ABTB2: variants seen among roughly 807,000 people sequenced by gnomAD.
The protein encoded by ABTB2 is ankyrin repeat and BTB domain containing 2, also known as ankyrin repeat and BTB/POZ domain-containing protein 2.
A neutral mutation model predicts 104.1 loss-of-function variants in ABTB2; 56 were observed. The observed-to-expected ratio is 0.54, with a 90% confidence interval of 0.43 to 0.67. The LOEUF is 0.67. Ranked by LOEUF, ABTB2 falls within the 30% of genes least tolerant of loss-of-function variation. ABTB2 has a pLI of 0.00. For missense variants in ABTB2, 1,279 were observed against 1,407.7 expected, an observed-to-expected ratio of 0.91 and a Z score of 1.46; for synonymous variants, 606 against 608.2, an observed-to-expected ratio of 1.00 and a Z score of 0.05.
intron 1 of ABTB2, among the ~76,000 whole-genome samples, chr11:34,265,705 A>C (rs893342944): frequency 6.8e-6 from 1 of 147,732 alleles, no homozygotes; most frequent in Non-Finnish European, 1.5e-5. Flanking sequence ...ACGGTGGCTC[A>C]TGCCTGTAAA....
intron 1 of ABTB2, among the ~76,000 whole-genome samples, chr11:34,344,940 C>T (rs1405877315): frequency 2.0e-5 from 3 of 152,204 alleles, no homozygotes; most frequent in African/African-American, 7.2e-5. Flanking sequence ...CAGACCATAG[C>T]AACTTGGTGT....
intron 1 of ABTB2, among the ~76,000 whole-genome samples, chr11:34,278,602 G>A (rs1274916658): frequency 2.0e-5 from 3 of 152,128 alleles, no homozygotes; most frequent in Non-Finnish European, 4.4e-5. Flanking sequence ...TTGATGCACT[G>A]AGGGAATGGC....
At chr11:34,226,077 CT>C (rs2133053518) in intron 1 of ABTB2, among the ~76,000 whole-genome samples, 1 of 151,916 alleles carries the variant, frequency 6.6e-6, no homozygotes, top group South Asian at 2.1e-4. Context: ...TTGCGTGCGC[CT>C]GTAGTCCCAG....
Position 34,357,450 on chromosome 11 carries a change from GAA to G in ABTB2, c.132_133del (p.Ser45GlyfsTer112), listed in dbSNP as rs1564940989. 12 of 1,548,274 alleles carry G rather than the reference GAA, an allele frequency of 7.8e-6. No individual in the cohort carries two copies. The highest frequency in any genetic ancestry group is 1.0e-5 in the Non-Finnish European group (12 of 1,146,838). ...GGCCGCCCCGCGGTGCTGCTGCGCC[GAA>G]GAGTTGAGCGCCTGCGAGTTGGACT... On this transcript the variant is annotated frameshift_variant, in exon 1 of 17. Transcript: ENST00000435224. LOFTEE classifies it high-confidence loss of function.
chr11:34,198,404 G>A (rs1341680432), intron 2 of ABTB2, among the ~76,000 whole-genome samples: 5 of 151,708 alleles, frequency 3.3e-5, no homozygotes, highest in African/African-American at 1.2e-4. Context: ...CAGTCTGGGT[G>A]ACTGGTGACA....
chr11:34,178,108 G>A (rs530069942), intron 3 of ABTB2, among the ~76,000 whole-genome samples: 8 of 152,226 alleles, frequency 5.3e-5, no homozygotes, highest in Non-Finnish European at 8.8e-5. Flanking sequence ...AATGAAAACT[G>A]ATTAATACTT....
rs527524748 is a variant in ABTB2, at chr11:34,272,834, G to A, written c.884-68144C>T. ...TATAACAACTTGATAACTATCATGA[G>A]ACGCAGTTCAGAGCTGTGGTTAAGT... On this transcript the variant is annotated intron_variant, in intron 1 of 16. Coordinates refer to ENST00000435224, the MANE Select transcript of ABTB2 (RefSeq NM_145804.3). Among the ~76,000 whole-genome samples, 16 of 151,324 alleles carry A rather than the reference G, an allele frequency of 1.1e-4. 1 individual carries two copies. Among genetic ancestry groups the A allele is most frequent in the African/African-American group, 3.7e-4 (15 of 41,076 alleles).
In ABTB2 at chr11:34,353,968, A is replaced by G. The variant is rs191186572; in HGVS notation, c.883+2733T>C. ...GTTTGGACCACTCCATTTTGTTCCT[A>G]AGCAGTGTATGCTTCCCTCTGAAGC... On this transcript the variant is annotated intron_variant, in intron 1 of 16. Coordinates refer to ENST00000435224, the MANE Select transcript of ABTB2 (RefSeq NM_145804.3). Among the ~76,000 whole-genome samples, 4 of 152,288 alleles carry G rather than the reference A, an allele frequency of 2.6e-5. No homozygotes were observed. The East Asian group carries it at 7.7e-4, about 29-fold the overall frequency.
intron 1 of ABTB2, among the ~76,000 whole-genome samples, chr11:34,267,708 G>T (rs1177917390): frequency 6.6e-6 from 1 of 152,144 alleles, no homozygotes; most frequent in Non-Finnish European, 1.5e-5. Flanking sequence ...GGCCAACCAG[G>T]TGCTATCTGA....
At position 34,356,666 on chromosome 11, in the gene ABTB2, T is replaced by C. The variant is rs1855467722; in HGVS notation, c.883+35A>G. 1 of 1,522,578 alleles carries C rather than the reference T, an allele frequency of 6.6e-7. No homozygotes were observed. Among genetic ancestry groups the C allele is most frequent in the Non-Finnish European group, 8.9e-7 (1 of 1,126,860 alleles). The allele number at this position is 1,522,578 out of a possible 1,614,324, so 94.3% of individuals were successfully genotyped here. A position where few individuals can be genotyped will look rare whatever the true frequency, so the allele number is the denominator to read the frequency against. On this transcript the variant is annotated intron_variant, in intron 1 of 16. Transcript: ENST00000435224. This position sits in a 1 kb window ranked among gnomAD's most constrained non-coding sequence, Gnocchi z 4.6. ...GTAGCCCAGGGCGGGATTTCTTGCC[T>C]ACCCAGTCTGCCAGTCCGAGGCCCG...
At chr11:34,157,042 C>T (rs2133000635) in intron 14 of ABTB2, among the ~76,000 whole-genome samples, 1 of 152,276 alleles carries the variant, frequency 6.6e-6, no homozygotes, top group South Asian at 2.1e-4. Flanking sequence ...GATCCACACA[C>T]CCCCACCCCA....
chr11:34,163,168 A>T (rs985383571), intron 9 of ABTB2, among the ~76,000 whole-genome samples: 6 of 152,196 alleles, frequency 3.9e-5, no homozygotes, highest in African/African-American at 1.4e-4. Context: ...ACTATATCAC[A>T]CTTTCCTGGG....
At chr11:34,219,031 C>CACGCCT (rs1212471498) in intron 1 of ABTB2, among the ~76,000 whole-genome samples, 2 of 118,494 alleles carry the variant, frequency 1.7e-5, no homozygotes, top group Non-Finnish European at 3.6e-5. Flanking sequence ...ATATTCATTA[C>CACGCCT]ACGCCTACTA....
chr11:34,311,281 G>A (rs1854849995), intron 1 of ABTB2, among the ~76,000 whole-genome samples: 1 of 152,216 alleles, frequency 6.6e-6, no homozygotes, highest in Non-Finnish European at 1.5e-5. Flanking sequence ...CCATGCTGCA[G>A]ACCCAGAAAA....
chr11:34,209,117 G>A (rs769037640), intron 1 of ABTB2, among the ~76,000 whole-genome samples: 2 of 152,136 alleles, frequency 1.3e-5, no homozygotes, highest in Non-Finnish European at 2.9e-5. Flanking sequence ...AGGCAGAGAC[G>A]GGTGAATCAC....
At chr11:34,343,466 C>G (rs968705541) in intron 1 of ABTB2, among the ~76,000 whole-genome samples, 1 of 151,996 alleles carries the variant, frequency 6.6e-6, no homozygotes, top group Non-Finnish European at 1.5e-5. Context: ...CAGACACACA[C>G]ACACATACAC....
At position 34,154,484 on chromosome 11, in the gene ABTB2, C is replaced by T. The variant is rs1852592831; in HGVS notation, c.2767-106G>A. The stretch of plus-strand genomic sequence containing the variant: ...TGCCGTGTGCCCTGCTGCCTCCACC[C>T]TCAGGCCCCACTACCTTCTGATACT... On this transcript the variant is annotated intron_variant, in intron 15 of 16. Transcript: ENST00000435224. The surrounding 1 kb of genome is among the most constrained non-coding windows in gnomAD (Gnocchi z 4.9). The T allele has an allele frequency of 1.1e-6, 1 of 903,002 alleles. No homozygotes were observed. Among genetic ancestry groups the T allele is most frequent in the East Asian group, 2.6e-5 (1 of 37,824 alleles). The allele number at this position is 903,002 out of a possible 1,614,324, so 55.9% of individuals were successfully genotyped here. A position where few individuals can be genotyped will look rare whatever the true frequency, so the allele number is the denominator to read the frequency against.
At chr11:34,163,263 G>C (rs979292172) in intron 9 of ABTB2, among the ~76,000 whole-genome samples, 8 of 152,318 alleles carry the variant, frequency 5.3e-5, no homozygotes, top group Non-Finnish European at 8.8e-5. Context: ...CTATGCACGT[G>C]AAAGTGTCTA....
At chr11:34,270,094 G>T (rs569566084) in intron 1 of ABTB2, among the ~76,000 whole-genome samples, 1 of 152,126 alleles carries the variant, frequency 6.6e-6, no homozygotes, top group Non-Finnish European at 1.5e-5. Flanking sequence ...CTTCATGCAC[G>T]GATGCACAAC....
Sources: gnomAD v4.1 joint callset for allele counts (sites outside exome capture counted in the v4.1 genomes callset) on GRCh38, gnomAD v4.1.1 for gene constraint, Gnocchi (gnomAD v3.1) non-coding constraint, MANE v1.5 for transcripts, NCBI Gene and HGNC (gene_info 2026-07-23, HGNC 2026-07-21) for gene names.